The following CSMD1 variants were observed in gnomAD, a reference collection of about 807,000 sequenced individuals.
CSMD1 encodes CUB and Sushi multiple domains 1.
Under a neutral mutation model 417.5 loss-of-function variants are expected in CSMD1, and 213 were observed. That is an observed-to-expected ratio of 0.51 (90% CI 0.46 to 0.57). The LOEUF (loss-of-function observed/expected upper bound fraction) is 0.57. Ranked by LOEUF, CSMD1 falls within the 20% of genes least tolerant of loss-of-function variation. The pLI is 0.00. For synonymous variants in CSMD1, 2,862 were observed against 1,736.8 expected (o/e 1.65, Z -16.11); for missense variants, 6,923 against 4,529.7 (o/e 1.53, Z -15.17).
intron 1 of CSMD1, among the ~76,000 whole-genome samples, chr8:4,827,968 G>C (rs1371587488): frequency 6.6e-6 from 1 of 152,228 alleles, no homozygotes; most frequent in East Asian, 1.9e-4. Context: ...CTAAAACTTA[G>C]AATTTTAACC....
At chr8:4,048,336 T>A (rs1020292647) in intron 3 of CSMD1, among the ~76,000 whole-genome samples, 2 of 152,186 alleles carry the variant, frequency 1.3e-5, no homozygotes, top group African/African-American at 4.8e-5. Flanking sequence ...ATTTATTCAA[T>A]AACTTATTTT....
intron 18 of CSMD1, among the ~76,000 whole-genome samples, chr8:3,385,308 T>C (rs1490419372): frequency 6.8e-6 from 1 of 146,432 alleles, no homozygotes; most frequent in African/African-American, 2.5e-5. Flanking sequence ...TTTACATTTC[T>C]TGCTAGATAT....
At chr8:2,971,369 C>G (rs996020206) in intron 57 of CSMD1, among the ~76,000 whole-genome samples, 4 of 152,148 alleles carry the variant, frequency 2.6e-5, no homozygotes, top group African/African-American at 4.8e-5. Context: ...CTGAAAGAAT[C>G]ACTCAGACGG....
chr8:4,042,801 G>C (rs796899062), intron 3 of CSMD1, among the ~76,000 whole-genome samples: 6 of 79,014 alleles, frequency 7.6e-5, no homozygotes, highest in African/African-American at 1.9e-4. Context: ...AATAGGTGAA[G>C]TGGTACAACA....
Position 3,954,588 on chromosome 8 carries a change from G to A in CSMD1, c.818+43315C>T, listed in dbSNP as rs550156322. Among the ~76,000 whole-genome samples, 9 of 152,260 alleles carry A rather than the reference G, an allele frequency of 5.9e-5. No individual in the cohort carries two copies. In the South Asian group the frequency reaches 6.2e-4, roughly 11 times the overall value. On this transcript the variant is annotated intron_variant, in intron 5 of 69. Coordinates refer to ENST00000635120, the MANE Select transcript of CSMD1 (RefSeq NM_033225.6). ...TTCACCGTGTTGCTCAGGCTGGAACGCCTGACCTCGTGATCCGCCCACCTT... is the reference window on the plus strand; with the variant it reads ...TTCACCGTGTTGCTCAGGCTGGAACACCTGACCTCGTGATCCGCCCACCTT...
intron 1 of CSMD1, among the ~76,000 whole-genome samples, chr8:4,686,552 C>A (rs906576411): frequency 7.2e-5 from 11 of 152,222 alleles, no homozygotes; most frequent in African/African-American, 2.7e-4. Flanking sequence ...CCTGCTACAT[C>A]CCTGCTGATT....
chr8:4,274,862 C>T (rs1169514207), intron 3 of CSMD1, among the ~76,000 whole-genome samples: 3 of 151,966 alleles, frequency 2.0e-5, no homozygotes, highest in Admixed American at 6.6e-5. Flanking sequence ...TTATTTTTTC[C>T]CAGACTCAAG....
At chr8:4,259,098 C>T (rs911602146) in intron 3 of CSMD1, among the ~76,000 whole-genome samples, 1 of 152,110 alleles carries the variant, frequency 6.6e-6, no homozygotes, top group Non-Finnish European at 1.5e-5. Context: ...TAGCATTTAC[C>T]TCTGAAAGGT....
intron 22 of CSMD1, among the ~76,000 whole-genome samples, chr8:3,347,303 A>C (rs1003138915): frequency 1.3e-5 from 2 of 152,214 alleles, no homozygotes; most frequent in Admixed American, 1.3e-4. Flanking sequence ...AATTTATTGA[A>C]ATACTTACAG....
chr8:3,927,793 A>C (rs1809850504), intron 5 of CSMD1, among the ~76,000 whole-genome samples: 1 of 152,202 alleles, frequency 6.6e-6, no homozygotes, highest in African/African-American at 2.4e-5. Context: ...AAATCTACCA[A>C]ATATTTTAGT....
At chr8:4,394,876 G>T (rs1256843213) in intron 3 of CSMD1, among the ~76,000 whole-genome samples, 1 of 151,828 alleles carries the variant, frequency 6.6e-6, no homozygotes, top group South Asian at 2.1e-4. Context: ...ATACAACCTT[G>T]TCTACACGTC....
rs949751387 is a variant in CSMD1, at chr8:3,927,523, G to C, written c.818+70380C>G. ...CTACTAAAAATACAAAAATTAGCCA[G>C]CCGTGGTGGTGCATCACTGTAATCC... On this transcript the variant is annotated intron_variant, in intron 5 of 69. Coordinates refer to ENST00000635120, the MANE Select transcript of CSMD1 (RefSeq NM_033225.6). Among the ~76,000 whole-genome samples the C allele has an allele frequency of 2.0e-5, 3 of 150,336 alleles. 1 individual carries two copies. The highest frequency in any genetic ancestry group is 7.3e-5 in the African/African-American group (3 of 41,328).
intron 11 of CSMD1, among the ~76,000 whole-genome samples, chr8:3,488,678 T>A (rs1818196140): frequency 6.6e-6 from 1 of 152,100 alleles, no homozygotes; most frequent in Non-Finnish European, 1.5e-5. Flanking sequence ...AAATAATTAT[T>A]TAAAGAATCA....
chr8:3,744,921 G>A (rs1232916101), intron 6 of CSMD1, among the ~76,000 whole-genome samples: 1 of 152,192 alleles, frequency 6.6e-6, no homozygotes, highest in Non-Finnish European at 1.5e-5. Flanking sequence ...TGGGCCTGAA[G>A]CAGACTGAGG....
chr8:4,791,734 C>T lies in CSMD1; in HGVS notation c.86-154176G>A, dbSNP rs149552649. ...AGCCAATAGTTCAAGTATTTTCTGA[C>T]GAAGAAGTTCAATTTCCTTCATTAG... On this transcript the variant is annotated intron_variant, in intron 1 of 69. Coordinates refer to ENST00000635120, the MANE Select transcript of CSMD1 (RefSeq NM_033225.6). Among the ~76,000 whole-genome samples, 550 of 152,196 alleles carry T rather than the reference C, an allele frequency of 3.6e-3. 2 individuals carry two copies. The highest frequency in any genetic ancestry group is 5.7e-3 in the Non-Finnish European group (385 of 68,024).
chr8:4,109,288 G>T (rs1585331062), intron 3 of CSMD1, among the ~76,000 whole-genome samples: 1 of 152,200 alleles, frequency 6.6e-6, no homozygotes, highest in South Asian at 2.1e-4. Flanking sequence ...ACACAGATAT[G>T]AAGGAGCAGC....
chr8:4,727,207 T>C (rs1291434574), intron 1 of CSMD1, among the ~76,000 whole-genome samples: 1 of 152,154 alleles, frequency 6.6e-6, no homozygotes. Context: ...GACTGATCAA[T>C]GATGAAGAGT....
chr8:3,087,355 GAGAGTCTAT>G, intron 48 of CSMD1, 70 bp from the exon 49 acceptor site: 1 of 1,481,368 alleles, frequency 6.8e-7, no homozygotes, highest in Non-Finnish European at 9.4e-7. Context: ...TTGCCTTTGT[GAGAGTCTAT>G]AAATGAATGG....
chr8:3,900,976 T>G lies in CSMD1; in HGVS notation c.818+96927A>C, dbSNP rs143132681. 1.5e-3 allele frequency among the ~76,000 whole-genome samples: 236 copies of G among 152,334 alleles called. 2 individuals are homozygous for G. The highest frequency in any genetic ancestry group is 5.3e-3 in the African/African-American group (221 of 41,572). The stretch of plus-strand genomic sequence containing the variant: ...AAAGGACAGAACAGAGCCTGAAACT[T>G]TATGATTTTTCATTATTGCTAGCTG... On this transcript the variant is annotated intron_variant, in intron 5 of 69. Transcript: ENST00000635120.
Sources: gnomAD v4.1 joint callset for allele counts (sites outside exome capture counted in the v4.1 genomes callset) on GRCh38, gnomAD v4.1.1 for gene constraint, MANE v1.5 for transcripts, NCBI Gene and HGNC (gene_info 2026-07-23, HGNC 2026-07-21) for gene names.